The following RORA variants were observed in gnomAD, a reference collection of about 807,000 sequenced individuals.
RORA encodes the protein nuclear receptor ROR-alpha.
In RORA, 7 loss-of-function variants were observed where a neutral mutation model predicts 69.5. That is an observed-to-expected ratio of 0.10 (90% confidence interval 0.06 to 0.19). RORA has a LOEUF of 0.19. Among genes scored for constraint, RORA ranks in the 10% least tolerant of loss-of-function variants. RORA has a pLI of 1.00. For missense variants in RORA, 457 were observed against 663.0 expected, an observed-to-expected ratio of 0.69 and a Z score of 3.41; for synonymous variants, 261 against 240.8, an observed-to-expected ratio of 1.08 and a Z score of -0.78.
At chr15:60,789,591 T>C (rs2072387386) in intron 1 of RORA, among the ~76,000 whole-genome samples, 1 of 152,226 alleles carries the variant, frequency 6.6e-6, no homozygotes, top group Non-Finnish European at 1.5e-5. Context: ...GTGAGCTCTT[T>C]CAGGGACAGA....
At chr15:60,653,390 T>C (rs113031081) in intron 2 of RORA, among the ~76,000 whole-genome samples, 1 of 151,952 alleles carries the variant, frequency 6.6e-6, no homozygotes, top group East Asian at 1.9e-4. Context: ...GTCTTCTGTT[T>C]GGCCAAAGTG....
rs145202288 is a variant in RORA, at chr15:60,883,868, C to T, written c.167-205182G>A. On this transcript the variant is annotated intron_variant, in intron 1 of 10. Transcript: ENST00000335670. ...TCCACGATGCAACTGAGGGATACCA[C>T]GATGTGGCTACCATGGATTCCAAGT... 2.0e-4 allele frequency among the ~76,000 whole-genome samples: 30 copies of T among 152,284 alleles called. No homozygotes were observed. In the East Asian group the frequency reaches 4.2e-3, roughly 22 times the overall value.
chr15:60,994,281 T>C (rs1894464571), intron 1 of RORA, among the ~76,000 whole-genome samples: 1 of 152,202 alleles, frequency 6.6e-6, no homozygotes, highest in African/African-American at 2.4e-5. Flanking sequence ...CTTCTTTATA[T>C]TCCAAAAACT....
chr15:60,757,642 A>T (rs1421350749), intron 1 of RORA, among the ~76,000 whole-genome samples: 1 of 152,170 alleles, frequency 6.6e-6, no homozygotes, highest in African/African-American at 2.4e-5. Context: ...TCCTTGTCCC[A>T]AAAACAGAGC....
intron 1 of RORA, among the ~76,000 whole-genome samples, chr15:60,949,653 A>T (rs1299971545): frequency 6.6e-6 from 1 of 152,184 alleles, no homozygotes; most frequent in Non-Finnish European, 1.5e-5. Flanking sequence ...TCATATTGTC[A>T]ACTGGTGTCT....
chr15:60,927,551 T>C (rs1472320520), intron 1 of RORA, among the ~76,000 whole-genome samples: 1 of 152,140 alleles, frequency 6.6e-6, no homozygotes, highest in East Asian at 1.9e-4. Flanking sequence ...GGTGGGTGGA[T>C]CACTTGAGGT....
At chr15:60,519,348 C>G (rs4775278) in intron 3 of RORA, among the ~76,000 whole-genome samples, 42 of 152,262 alleles carry the variant, frequency 2.8e-4, no homozygotes, top group Admixed American at 1.9e-3. Context: ...TCCTATCATT[C>G]CCCTGGTTTT....
chr15:61,219,418 CA>C (rs1407018414), intron 1 of RORA, among the ~76,000 whole-genome samples: 6 of 151,950 alleles, frequency 3.9e-5, no homozygotes, highest in African/African-American at 1.4e-4. Flanking sequence ...ACTAAAAATA[CA>C]AAAAAATCAT....
intron 1 of RORA, among the ~76,000 whole-genome samples, chr15:61,134,301 T>C (rs2079217382): frequency 1.3e-5 from 2 of 152,206 alleles, no homozygotes; most frequent in Admixed American, 6.5e-5. Context: ...TTTAAAAAGA[T>C]TCCCTTTCCC....
At position 61,131,474 on chromosome 15, in the gene RORA, T is replaced by C. The variant is rs1053880857; in HGVS notation, c.166+97579A>G. 4.6e-5 allele frequency among the ~76,000 whole-genome samples: 7 copies of C among 152,052 alleles called. No homozygotes were observed. The highest frequency in any genetic ancestry group is 1.7e-4 in the African/African-American group (7 of 41,396). Reference sequence around the variant, plus strand: ...CTTTGGAGCTACTCCTGGGTTGGGGTGAGTGGGGACTGAGGACTTCCTGGG... The same window carrying C: ...CTTTGGAGCTACTCCTGGGTTGGGGCGAGTGGGGACTGAGGACTTCCTGGG... On this transcript the variant is annotated intron_variant, in intron 1 of 10. Coordinates refer to ENST00000335670, the MANE Select transcript of RORA (RefSeq NM_134261.3). This position sits in a 1 kb window ranked among gnomAD's most constrained non-coding sequence, Gnocchi z 4.2.
chr15:60,995,082 AAAG>A (rs917222750), intron 1 of RORA, among the ~76,000 whole-genome samples: 24 of 152,344 alleles, frequency 1.6e-4, no homozygotes, highest in South Asian at 8.3e-4. Context: ...ATTTTTAAAA[AAAG>A]AAGAAGAAGA....
intron 1 of RORA, among the ~76,000 whole-genome samples, chr15:61,149,617 C>A (rs987634430): frequency 1.3e-5 from 2 of 152,084 alleles, no homozygotes; most frequent in African/African-American, 2.4e-5. Context: ...ATACCCTGAC[C>A]CCATGATGAT....
At chr15:61,088,173 G>A (rs564746627) in intron 1 of RORA, among the ~76,000 whole-genome samples, 4 of 152,294 alleles carry the variant, frequency 2.6e-5, no homozygotes, top group East Asian at 3.9e-4. Context: ...AATATGACAT[G>A]GTTAGTGTCA....
At chr15:60,520,125 C>T (rs1010635310) in intron 3 of RORA, 1 of 152,178 alleles carries the variant, frequency 6.6e-6, no homozygotes, top group Non-Finnish European at 1.5e-5. Context: ...ACTAAGTCAG[C>T]TGAACAAATG....
chr15:60,580,015 T>G (rs1669604020), intron 2 of RORA, among the ~76,000 whole-genome samples: 1 of 151,980 alleles, frequency 6.6e-6, no homozygotes, highest in Non-Finnish European at 1.5e-5. Flanking sequence ...ATGAGTAAAT[T>G]ACTGAAGATG....
chr15:60,680,328 C>A (rs2070624336), intron 1 of RORA, among the ~76,000 whole-genome samples: 1 of 152,186 alleles, frequency 6.6e-6, no homozygotes, highest in South Asian at 2.1e-4. Flanking sequence ...AACGACCTAT[C>A]TATATTCGCT....
chr15:61,145,400 T>TC (rs954310858), intron 1 of RORA, among the ~76,000 whole-genome samples: 8 of 152,240 alleles, frequency 5.3e-5, no homozygotes, highest in African/African-American at 1.9e-4. Context: ...CAGTGCTCTG[T>TC]CATACAACTG....
At chr15:60,661,058 C>CAA (rs565540593) in intron 2 of RORA, among the ~76,000 whole-genome samples, 34 of 119,206 alleles carry the variant, frequency 2.9e-4, no homozygotes, top group East Asian at 1.4e-3. Flanking sequence ...GAAATTCTGG[C>CAA]AAAAAAAAAA....
chr15:60,643,480 T>A (rs2069981637), intron 2 of RORA, among the ~76,000 whole-genome samples: 1 of 152,226 alleles, frequency 6.6e-6, no homozygotes, highest in Non-Finnish European at 1.5e-5. Flanking sequence ...AACAATAGTT[T>A]GTGTTCCAAG....
Sources: gnomAD v4.1 joint callset for allele counts (sites outside exome capture counted in the v4.1 genomes callset) on GRCh38, gnomAD v4.1.1 for gene constraint, Gnocchi (gnomAD v3.1) non-coding constraint, MANE v1.5 for transcripts, NCBI Gene and HGNC (gene_info 2026-07-23, HGNC 2026-07-21) for gene names.